The following IL2RA variants were observed in gnomAD, a reference collection of about 807,000 sequenced individuals.
IL2RA encodes interleukin 2 receptor subunit alpha.
IL2RA carries 24 observed loss-of-function variants against 37.8 expected under a neutral mutation model. That is an observed-to-expected ratio of 0.63 (90% CI 0.46 to 0.89). The LOEUF is 0.89. IL2RA is among the 40% of genes least tolerant of loss of function. The pLI is 0.00. For missense variants in IL2RA, 319 were observed against 348.6 expected (o/e 0.92, Z 0.68); for synonymous variants, 125 against 114.6 (o/e 1.09, Z -0.58).
intron 1 of IL2RA, among the ~76,000 whole-genome samples, chr10:6,038,826 T>A (rs1839728512): frequency 6.6e-6 from 1 of 152,164 alleles, no homozygotes. Context: ...TGTTAAAAAT[T>A]ACATCTAAAA....
Position 6,019,919 on chromosome 10 carries a change from G to A in IL2RA, c.606C>T (p.Ser202=), listed in dbSNP as rs763179568. The change falls in exon 5 of 8, where the codon AGC becomes AGT. Residue 202 remains serine, a synonymous_variant. Transcript: ENST00000379959. ...TCTCACTCTCAGGACGGCCTTCGGG[G>A]CTTGCCTGAGGCTTCTCTTCACCTG... ...QFPGEEKPQA[S]PEGRPESETS... 1.4e-5 allele frequency: 23 copies of A among 1,614,030 alleles called. No homozygotes were observed. The highest frequency in any genetic ancestry group is 6.7e-5 in the African/African-American group (5 of 74,932).
At chr10:6,019,401 T>C in intron 6 of IL2RA, 27 bp downstream of exon 6, 1 of 1,547,538 alleles carries the variant, frequency 6.5e-7, no homozygotes, top group Non-Finnish European at 8.9e-7. Context: ...GTGTACATTT[T>C]GTCCACAAAG....
intron 1 of IL2RA, among the ~76,000 whole-genome samples, chr10:6,045,602 G>A (rs1839840713): frequency 6.6e-6 from 1 of 152,154 alleles, no homozygotes; most frequent in Admixed American, 6.5e-5. Context: ...AAAGGGGGAA[G>A]TAGAAACACA....
In IL2RA at chr10:6,046,995, G is replaced by A. The variant is rs1439265026; in HGVS notation, c.64+15093C>T. On this transcript the variant is annotated intron_variant, in intron 1 of 7. Transcript: ENST00000379959. This position sits in a 1 kb window ranked among gnomAD's most constrained non-coding sequence, Gnocchi z 4.8. The stretch of plus-strand genomic sequence containing the variant: ...CTCAGCACAGTGCTGAGAAGATCCT[G>A]CTTTTTACTCGGGTGTGGGACAAGT... 6.6e-6 allele frequency among the ~76,000 whole-genome samples: 1 copy of A among 152,204 alleles called. No homozygotes were observed. Among genetic ancestry groups the A allele is most frequent in the Non-Finnish European group, 1.5e-5 (1 of 68,038 alleles).
At chr10:6,037,869 T>C (rs536069597) in intron 1 of IL2RA, among the ~76,000 whole-genome samples, 1 of 152,318 alleles carries the variant, frequency 6.6e-6, no homozygotes, top group African/African-American at 2.4e-5. Context: ...CCAGAGGCTA[T>C]CTTTGATAGT....
intron 1 of IL2RA, among the ~76,000 whole-genome samples, chr10:6,026,716 A>G (rs75570098): frequency 1.3e-5 from 2 of 152,254 alleles, no homozygotes; most frequent in Admixed American, 6.5e-5. Context: ...CTACTTTGCA[A>G]CAAGTTCTCT....
At chr10:6,049,989 C>A (rs1414901565) in intron 1 of IL2RA, among the ~76,000 whole-genome samples, 2 of 152,278 alleles carry the variant, frequency 1.3e-5, no homozygotes, top group African/African-American at 4.8e-5. Context: ...AGGAGACCTG[C>A]TGGCCAAGGC....
chr10:6,047,671 A>C lies in IL2RA; in HGVS notation c.64+14417T>G, dbSNP rs192582047. Among the ~76,000 whole-genome samples, 135 of 150,014 alleles carry C rather than the reference A, an allele frequency of 9.0e-4. 2 individuals carry two copies. The highest frequency in any genetic ancestry group is 3.2e-3 in the African/African-American group (131 of 41,150). On this transcript the variant is annotated intron_variant, in intron 1 of 7. Transcript: ENST00000379959. This position sits in a 1 kb window ranked among gnomAD's most constrained non-coding sequence, Gnocchi z 5.0. ...ATAAAGTATATAAATATAAATATAT[A>C]ATAAATGAAATATATAAAATACCAT...
At chr10:6,055,955 G>A (rs1396919456) in intron 1 of IL2RA, among the ~76,000 whole-genome samples, 1 of 152,178 alleles carries the variant, frequency 6.6e-6, no homozygotes, top group East Asian at 1.9e-4. Context: ...TGTACAGCTG[G>A]CGTTTTGAAC....
rs1839404536 is a variant in IL2RA at position 6,022,554 on chromosome 10, C to G, written c.368-861G>C. On this transcript the variant is annotated intron_variant, in intron 3 of 7. Transcript: ENST00000379959. This position sits in a 1 kb window ranked among gnomAD's most constrained non-coding sequence, Gnocchi z 4.7. ...CAGACTCTCCCCAACCCTGCATACC[C>G]AACAGAGCCTCTGTAAATATCCTCC... 6.6e-6 allele frequency among the ~76,000 whole-genome samples: 1 copy of G among 152,224 alleles called. No homozygotes were observed. Among genetic ancestry groups the G allele is most frequent in the African/African-American group, 2.4e-5 (1 of 41,456 alleles).
chr10:6,054,963 C>T lies in IL2RA; in HGVS notation c.64+7125G>A, dbSNP rs1180770520. On this transcript the variant is annotated intron_variant, in intron 1 of 7. Coordinates refer to ENST00000379959, the MANE Select transcript of IL2RA (RefSeq NM_000417.3). This position sits in a 1 kb window ranked among gnomAD's most constrained non-coding sequence, Gnocchi z 4.5. ...CCTCCTGCCTTGGCCTCCCAAAGTG[C>T]AGGTATTACAGGCATGAGCTATCAC... Among the ~76,000 whole-genome samples the T allele has an allele frequency of 6.6e-6, 1 of 152,126 alleles. No individual in the cohort carries two copies. The highest frequency in any genetic ancestry group is 1.9e-4 in the East Asian group (1 of 5,196).
Position 6,033,185 on chromosome 10 carries a change from C to T in IL2RA, c.65-7160G>A, listed in dbSNP as rs7914699. 0.063 allele frequency among the ~76,000 whole-genome samples: 9,537 copies of T among 152,004 alleles called. 503 individuals carry two copies. The highest frequency in any genetic ancestry group is 0.14 in the Middle Eastern group (42 of 292). On this transcript the variant is annotated intron_variant, in intron 1 of 7. Transcript: ENST00000379959. This position sits in a 1 kb window ranked among gnomAD's most constrained non-coding sequence, Gnocchi z 4.3. ...TTAAGTCAGGAGTTTGAGACCAGCC[C>T]GGTCAACATGGCGAAACCCTTTCTC...
intron 1 of IL2RA, among the ~76,000 whole-genome samples, chr10:6,059,772 T>G (rs989322948): frequency 6.6e-6 from 1 of 152,166 alleles, no homozygotes; most frequent in Non-Finnish European, 1.5e-5. Flanking sequence ...TACTGGTCCC[T>G]TGGGGCTCCC....
In IL2RA at chr10:6,056,907, C is replaced by A. The variant is rs111707135; in HGVS notation, c.64+5181G>T. On this transcript the variant is annotated intron_variant, in intron 1 of 7. Transcript: ENST00000379959. The surrounding 1 kb of genome is among the most constrained non-coding windows in gnomAD (Gnocchi z 5.0). Reference sequence around the variant, plus strand: ...CAAGCAAACAAACAGCAGAGGACCCCGCCCTCCCTGTCCAGGGCAGGAGCA... The same window carrying A: ...CAAGCAAACAAACAGCAGAGGACCCAGCCCTCCCTGTCCAGGGCAGGAGCA... Among the ~76,000 whole-genome samples the A allele has an allele frequency of 6.6e-6, 1 of 152,150 alleles. No homozygotes were observed. The highest frequency in any genetic ancestry group is 1.5e-5 in the Non-Finnish European group (1 of 68,020).
rs1403184868 is a variant in IL2RA, at chr10:6,024,326, T to A, written c.285A>T (p.Thr95=). The change falls in exon 3 of 8, where the codon ACA becomes ACT. Residue 95 remains threonine (T), a synonymous_variant. Coordinates refer to ENST00000379959, the MANE Select transcript of IL2RA (RefSeq NM_000417.3). ...TTTCTTTCTGTTCTTCAGGTTGAGG[T>A]GTCACTTGTTTCGTTGTGTTCCGAG... The part of the protein sequence containing the change: ...SATRNTTKQV[T]PQPEEQKERK... 1.9e-6 allele frequency: 3 copies of A among 1,614,026 alleles called. No homozygotes were observed. In the Admixed American group the frequency reaches 5.0e-5, roughly 27 times the overall value.
chr10:6,062,098 G>A lies in IL2RA; in HGVS notation c.54C>T (p.Gly18=), dbSNP rs1224790253. The part of the protein sequence containing the change: ...WGLLTFIMVP[G]CQAELCDDDP... ...CCCACAGGCCCTTACCTGCCTGGCA[G>A]CCAGGCACCATGATGAACGTGAGCA... The change falls in exon 1 of 8, where the codon GGC becomes GGT. Residue 18 remains glycine, a synonymous_variant. Transcript: ENST00000379959. The A allele has an allele frequency of 1.9e-6, 3 of 1,613,838 alleles. No individual in the cohort carries two copies. Among genetic ancestry groups the A allele is most frequent in the Non-Finnish European group, 1.7e-6 (2 of 1,179,824 alleles).
Position 6,012,912 on chromosome 10 carries a change from A to G in IL2RA, c.795-16T>C, listed in dbSNP as rs548889439. On this transcript the variant is annotated splice_polypyrimidine_tract_variant and intron_variant, in intron 7 of 7. Coordinates refer to ENST00000379959, the MANE Select transcript of IL2RA (RefSeq NM_000417.3). This position sits in a 1 kb window ranked among gnomAD's most constrained non-coding sequence, Gnocchi z 4.8. Reference sequence around the variant, plus strand: ...ACTCTTCCTCCTGTAGTGGTGTAACAAAGTCACGGTCATATGTGTAACACG... The same window carrying G: ...ACTCTTCCTCCTGTAGTGGTGTAACGAAGTCACGGTCATATGTGTAACACG... 2.5e-5 allele frequency: 41 copies of G among 1,613,846 alleles called. No individual in the cohort carries two copies. The East Asian group carries it at 4.0e-4, about 16-fold the overall frequency.
rs997259207 is a variant in IL2RA, at chr10:6,054,392, A to T, written c.64+7696T>A. On this transcript the variant is annotated intron_variant, in intron 1 of 7. Coordinates refer to ENST00000379959, the MANE Select transcript of IL2RA (RefSeq NM_000417.3). The surrounding 1 kb of genome is among the most constrained non-coding windows in gnomAD (Gnocchi z 4.5). ...GCTGGTGATAAGTGATCAGTGACCCATTGAACCGAGGACGTCTACCGGGGA... is the reference window on the plus strand; with the variant it reads ...GCTGGTGATAAGTGATCAGTGACCCTTTGAACCGAGGACGTCTACCGGGGA... Among the ~76,000 whole-genome samples the T allele has an allele frequency of 6.6e-6, 1 of 152,190 alleles. No individual in the cohort carries two copies. The highest frequency in any genetic ancestry group is 2.4e-5 in the African/African-American group (1 of 41,446).
chr10:6,046,031 C>A lies in IL2RA; in HGVS notation c.64+16057G>T, dbSNP rs890309607. Reference sequence around the variant, plus strand: ...CTAATTGTCAGGCTGACCAAGCCCACGTGTCCAGAACCCTCTCCAGAGCTC... The same window carrying A: ...CTAATTGTCAGGCTGACCAAGCCCAAGTGTCCAGAACCCTCTCCAGAGCTC... On this transcript the variant is annotated intron_variant, in intron 1 of 7. Transcript: ENST00000379959. The surrounding 1 kb of genome is among the most constrained non-coding windows in gnomAD (Gnocchi z 4.8). Among the ~76,000 whole-genome samples the A allele has an allele frequency of 6.6e-6, 1 of 152,162 alleles. No homozygotes were observed. Among genetic ancestry groups the A allele is most frequent in the Admixed American group, 6.5e-5 (1 of 15,278 alleles).
Sources: allele counts gnomAD v4.1 joint callset (sites outside exome capture counted in the v4.1 genomes callset), GRCh38; gene constraint gnomAD v4.1.1; non-coding constraint Gnocchi (gnomAD v3.1); transcripts MANE v1.5; gene names NCBI Gene and HGNC (gene_info 2026-07-23, HGNC 2026-07-21).